The following CNTLN variants were observed in gnomAD, a reference collection of about 807,000 sequenced individuals.
CNTLN encodes the protein centlein, centrosomal protein.
In CNTLN, 212 loss-of-function variants were observed where a neutral mutation model predicts 180.0. The ratio of observed to expected loss-of-function variants is 1.18; its 90% confidence interval spans 1.05 to 1.32. The LOEUF (loss-of-function observed/expected upper bound fraction) is 1.32, where lower values mean the gene tolerates loss of function less well. CNTLN is among the 40% of genes most tolerant of loss of function. The pLI, the probability that CNTLN is intolerant of heterozygous loss-of-function variation, is 0.00. For missense variants in CNTLN, 2,095 were observed against 1,610.9 expected (o/e 1.30, Z -5.14); for synonymous variants, 722 against 563.1 (o/e 1.28, Z -3.99).
intron 15 of CNTLN, among the ~76,000 whole-genome samples, chr9:17,402,908 C>T (rs562889397): frequency 4.0e-5 from 6 of 151,860 alleles, no homozygotes; most frequent in Non-Finnish European, 8.8e-5. Context: ...AAGATATATA[C>T]GTGCATGCAT....
At chr9:17,272,753 T>C (rs1166948281) in intron 5 of CNTLN, among the ~76,000 whole-genome samples, 1 of 152,152 alleles carries the variant, frequency 6.6e-6, no homozygotes, top group African/African-American at 2.4e-5. Context: ...CCAGTTTCAT[T>C]TTCTGAGTTT....
chr9:17,226,513 T>G (rs984541121), intron 3 of CNTLN, among the ~76,000 whole-genome samples: 18 of 152,104 alleles, frequency 1.2e-4, no homozygotes, highest in African/African-American at 4.1e-4. Context: ...CATCTAATGT[T>G]ACAGTTTTAT....
At chr9:17,246,896 T>G (rs1336265239) in intron 5 of CNTLN, among the ~76,000 whole-genome samples, 1 of 152,092 alleles carries the variant, frequency 6.6e-6, no homozygotes, top group Non-Finnish European at 1.5e-5. Flanking sequence ...TGTTTTTTTT[T>G]TCTGGTCCAG....
chr9:17,375,694 A>T (rs2133535613), intron 13 of CNTLN, among the ~76,000 whole-genome samples: 1 of 152,214 alleles, frequency 6.6e-6, no homozygotes, highest in Admixed American at 6.5e-5. Context: ...TTGGGAAATT[A>T]TTTAGTTCGT....
intron 25 of CNTLN, among the ~76,000 whole-genome samples, chr9:17,496,405 C>G (rs996555240): frequency 2.0e-5 from 3 of 151,960 alleles, no homozygotes; most frequent in Non-Finnish European, 4.4e-5. Flanking sequence ...TGTATTCTCA[C>G]ATAGCAGAGT....
chr9:17,425,271 TAG>T (rs1564095532), intron 18 of CNTLN, among the ~76,000 whole-genome samples: 1 of 152,052 alleles, frequency 6.6e-6, no homozygotes, highest in Non-Finnish European at 1.5e-5. Context: ...GGGAAGTAGT[TAG>T]AGTTAAAGGA....
intron 7 of CNTLN, among the ~76,000 whole-genome samples, chr9:17,308,737 G>A (rs1046134915): frequency 4.0e-5 from 6 of 151,430 alleles, no homozygotes; most frequent in Admixed American, 3.3e-4. Context: ...AATACAGCTA[G>A]CTTAAAGTAT....
chr9:17,337,191 T>A (rs1284020923), intron 10 of CNTLN, among the ~76,000 whole-genome samples: 2 of 152,172 alleles, frequency 1.3e-5, no homozygotes, highest in Non-Finnish European at 2.9e-5. Context: ...TTAAGTTCCT[T>A]GTAGATTCTG....
At chr9:17,527,580 T>A in the CNTLN span, among the ~76,000 whole-genome samples, 1 of 152,154 alleles carries the variant, frequency 6.6e-6, no homozygotes, top group Admixed American at 6.5e-5. Flanking sequence ...TACTTACAGA[T>A]AAGCAAGGGG....
chr9:17,350,473 G>A (rs1158685755), intron 12 of CNTLN, among the ~76,000 whole-genome samples: 1 of 152,108 alleles, frequency 6.6e-6, no homozygotes, highest in African/African-American at 2.4e-5. Flanking sequence ...AAGCAAAAGT[G>A]TGATTAAAAG....
intron 2 of CNTLN, among the ~76,000 whole-genome samples, chr9:17,159,306 A>C (rs1819513522): frequency 6.6e-6 from 1 of 152,188 alleles, no homozygotes; most frequent in African/African-American, 2.4e-5. Context: ...CTTGTTTTAC[A>C]TACTGCTTTT....
chr9:17,213,305 C>G (rs1464168947), intron 2 of CNTLN, among the ~76,000 whole-genome samples: 1 of 152,190 alleles, frequency 6.6e-6, no homozygotes, highest in Admixed American at 6.5e-5. Context: ...GCTTTCATTT[C>G]ATTATGTATC....
intron 15 of CNTLN, among the ~76,000 whole-genome samples, chr9:17,403,855 A>C (rs1368939049): frequency 6.6e-6 from 1 of 151,806 alleles, no homozygotes; most frequent in Non-Finnish European, 1.5e-5. Context: ...GGCTCACTGC[A>C]ACCTCTGCTT....
intron 5 of CNTLN, among the ~76,000 whole-genome samples, chr9:17,244,174 A>G (rs1353010711): frequency 2.2e-5 from 3 of 134,862 alleles, no homozygotes; most frequent in Non-Finnish European, 3.3e-5. Context: ...TCACCCTTTT[A>G]TTTTCGATCT....
the CNTLN span, among the ~76,000 whole-genome samples, chr9:17,512,092 C>T: frequency 6.6e-6 from 1 of 152,120 alleles, no homozygotes; most frequent in Non-Finnish European, 1.5e-5. Context: ...ATTATTCTTC[C>T]ACAGTAAATG....
chr9:17,326,951 AG>A (rs1408279595), intron 8 of CNTLN, among the ~76,000 whole-genome samples: 2 of 152,174 alleles, frequency 1.3e-5, no homozygotes, highest in African/African-American at 4.8e-5. Context: ...AAAGGACCTT[AG>A]GAAAAAACTA....
intron 20 of CNTLN, among the ~76,000 whole-genome samples, chr9:17,463,387 G>A (rs1831563856): frequency 6.6e-6 from 1 of 151,674 alleles, no homozygotes; most frequent in East Asian, 1.9e-4. Flanking sequence ...GGTAAAAAAA[G>A]GAAAGTTTTG....
At chr9:17,361,736 T>A (rs1004581912) in intron 12 of CNTLN, among the ~76,000 whole-genome samples, 8 of 152,362 alleles carry the variant, frequency 5.3e-5, no homozygotes, top group Middle Eastern at 3.4e-3. Context: ...TGGAAAGTGC[T>A]TTCAGGCAGA....
chr9:17,243,865 A>AT (rs1046197957), intron 5 of CNTLN, among the ~76,000 whole-genome samples: 11 of 152,096 alleles, frequency 7.2e-5, no homozygotes, highest in African/African-American at 2.4e-4. Flanking sequence ...TTCTTTGTTG[A>AT]TTTTTGGTCT....
Sources: allele counts gnomAD v4.1 joint callset (sites outside exome capture counted in the v4.1 genomes callset), GRCh38; gene constraint gnomAD v4.1.1; transcripts MANE v1.5; gene names NCBI Gene and HGNC (gene_info 2026-07-23, HGNC 2026-07-21).